Variants in PLCXD1 observed in about 807,000 individuals in gnomAD.
PLCXD1 encodes the protein phosphatidylinositol specific phospholipase C X domain containing 1, also known as PI-PLC X domain-containing protein 1.
In PLCXD1, 45 loss-of-function variants were observed where a neutral mutation model predicts 37.8. The ratio of observed to expected loss-of-function variants is 1.19; its 90% CI spans 0.94 to 1.53. The LOEUF (loss-of-function observed/expected upper bound fraction) is 1.53, where lower values mean the gene tolerates loss of function less well. Among genes scored for constraint, PLCXD1 ranks in the 40% most tolerant of loss-of-function variants. PLCXD1 has a pLI of 0.00. For synonymous variants in PLCXD1, 246 were observed against 206.9 expected (o/e 1.19, Z -1.62); for missense variants, 539 against 454.7 (o/e 1.19, Z -1.69).
At chrX:289,635 C>T (rs2069565886) in intron 3 of PLCXD1, among the ~76,000 whole-genome samples, 1 of 151,568 alleles carries the variant, frequency 6.6e-6, no homozygotes, top group Admixed American at 6.6e-5. Flanking sequence ...TCTCAGCCTC[C>T]TGAGTAGCTG....
intron 2 of PLCXD1, among the ~76,000 whole-genome samples, chrX:287,340 ATG>A (rs2069478947): frequency 1.4e-5 from 2 of 141,864 alleles, no homozygotes; most frequent in Non-Finnish European, 3.1e-5. Context: ...TAAACATAAT[ATG>A]TGGATATATA....
At chrX:285,908 G>A (rs1350690780) in intron 2 of PLCXD1, among the ~76,000 whole-genome samples, 2 of 152,112 alleles carry the variant, frequency 1.3e-5, no homozygotes, top group African/African-American at 2.4e-5. Flanking sequence ...ACGTCGAGAC[G>A]GGAGCTTCTA....
chrX:290,300 G>A (rs1451719186), intron 3 of PLCXD1, among the ~76,000 whole-genome samples: 5 of 152,084 alleles, frequency 3.3e-5, no homozygotes, highest in African/African-American at 4.8e-5. Flanking sequence ...CGCGGTGGCG[G>A]GCGCCTGCAG....
rs1316293608 is a variant in PLCXD1 at position 300,062 on chromosome X, A to AC, written c.*727_*728insC. 1 of 152,584 alleles carries AC rather than the reference A, an allele frequency of 6.6e-6. No individual in the cohort carries two copies. The highest frequency in any genetic ancestry group is 1.5e-5 in the Non-Finnish European group (1 of 68,666). The allele number at this position is 152,584 out of a possible 1,614,324, so 9.5% of individuals were successfully genotyped here. ...AGCGAGACTCCATCTCAAAAAAAAA[A>AC]AAAAAAAAAAAGATGGGGTCTCTCT... On this transcript the variant is annotated 3_prime_UTR_variant, in exon 7 of 7. Transcript: ENST00000381657.
At chrX:296,811 T>C (rs1185519493) in intron 6 of PLCXD1, among the ~76,000 whole-genome samples, 103 of 152,058 alleles carry the variant, frequency 6.8e-4, no homozygotes, top group Non-Finnish European at 1.2e-3. Context: ...CGTGGACATC[T>C]TTGGGGCCAT....
At chrX:290,539 G>T in intron 3 of PLCXD1, 109 bp from the exon 4 acceptor site, 5 of 1,176,424 alleles carry the variant, frequency 4.3e-6, no homozygotes, top group Admixed American at 2.0e-5. Flanking sequence ...CGACATCCAC[G>T]TCCCAGTGGG....
At chrX:277,235 C>G (rs71213733), upstream of PLCXD1, among the ~76,000 whole-genome samples, 14,499 of 117,478 alleles carry the variant, frequency 0.12, 1,021 homozygotes, top group East Asian at 0.27. Flanking sequence ...GGTCAGGGGA[C>G]TTGGGATGTG....
intron 2 of PLCXD1, among the ~76,000 whole-genome samples, chrX:284,566 A>G: frequency 6.8e-6 from 1 of 146,888 alleles, no homozygotes; most frequent in East Asian, 2.1e-4. Context: ...ACATGTGCAC[A>G]CATACACAGG....
chrX:284,307 C>T lies in PLCXD1; in HGVS notation c.120C>T (p.Ser40=). 1.2e-6 allele frequency: 2 copies of T among 1,613,204 alleles called. No individual in the cohort carries two copies. The highest frequency in any genetic ancestry group is 8.5e-7 in the Non-Finnish European group (1 of 1,179,850). ...RLWDVPLHHL[S]IPGSHDTMTY... is the part of the protein sequence containing the mutation. Reference sequence around the variant, plus strand: ...GGGATGTGCCCCTCCACCACCTCTCCATCCCAGGTGAGGTTGGGGTGGGGC... The same window carrying T: ...GGGATGTGCCCCTCCACCACCTCTCTATCCCAGGTGAGGTTGGGGTGGGGC... Residue 40 remains serine, a synonymous_variant, in exon 2 of 7, where the codon TCC becomes TCT. Transcript: ENST00000381657.
chrX:278,097 CAGG>C (rs1423656454), upstream of PLCXD1, among the ~76,000 whole-genome samples: 16 of 104,176 alleles, frequency 1.5e-4, no homozygotes, highest in South Asian at 3.1e-4. Flanking sequence ...AGGGAGGGCT[CAGG>C]AGGACATGGG....
intron 2 of PLCXD1, among the ~76,000 whole-genome samples, chrX:288,458 C>T (rs962351289): frequency 2.6e-4 from 40 of 151,996 alleles, no homozygotes; most frequent in Non-Finnish European, 3.5e-4. Flanking sequence ...GTGTCTTAGA[C>T]GGACACCTGT....
chrX:296,308 A>G (rs1225846031), intron 6 of PLCXD1, among the ~76,000 whole-genome samples: 1 of 151,970 alleles, frequency 6.6e-6, no homozygotes, highest in Non-Finnish European at 1.5e-5. Flanking sequence ...TGTTTTTACT[A>G]GAGAAAGGGT....
At chrX:289,881 C>T (rs771586791) in intron 3 of PLCXD1, among the ~76,000 whole-genome samples, 59 of 152,176 alleles carry the variant, frequency 3.9e-4, no homozygotes, top group African/African-American at 1.3e-3. Context: ...GGACCTGAGG[C>T]GGGTCTGCAG....
chrX:295,851 G>T (rs1787409265), intron 6 of PLCXD1, among the ~76,000 whole-genome samples: 2 of 149,780 alleles, frequency 1.3e-5, no homozygotes, highest in African/African-American at 4.9e-5. Flanking sequence ...TTGTGTGTTT[G>T]TTTTTTGAGA....
chrX:293,169 C>G lies in PLCXD1; in HGVS notation c.684C>G (p.Thr228=), dbSNP rs150920187. The G allele has an allele frequency of 3.4e-4, 551 of 1,612,760 alleles. No homozygotes were observed. The African/African-American group carries it at 6.0e-3, about 17-fold the overall frequency. ...ACTGGTGGGGAAACAGGGTGAAGAC[C>G]GAGGCCCTCATCCGATACCTGGAGA... ...VPYWWGNRVK[T]EALIRYLETM... Residue 228 remains threonine, a synonymous_variant, in exon 6 of 7, where the codon ACC becomes ACG. Coordinates refer to ENST00000381657, the MANE Select transcript of PLCXD1 (RefSeq NM_018390.4).
At chrX:282,825 T>TTA (rs1040964091) in intron 1 of PLCXD1, among the ~76,000 whole-genome samples, 8 of 147,392 alleles carry the variant, frequency 5.4e-5, no homozygotes, top group South Asian at 2.1e-4. Context: ...CAACAGTATA[T>TTA]TATATATATA....
At chrX:280,240 C>T (rs2069234294), upstream of PLCXD1, among the ~76,000 whole-genome samples, 1 of 151,886 alleles carries the variant, frequency 6.6e-6, no homozygotes, top group Admixed American at 6.6e-5. Flanking sequence ...TGCTGGGATG[C>T]TCCAGGCAGA....
At chrX:282,246 G>A (rs2069295278) in intron 1 of PLCXD1, among the ~76,000 whole-genome samples, 1 of 152,130 alleles carries the variant, frequency 6.6e-6, no homozygotes, top group African/African-American at 2.4e-5. Context: ...GCCGGGCGTG[G>A]TGGCGGACGC....
Position 284,222 on chromosome X carries a change from C to T in PLCXD1, c.35C>T (p.Ser12Leu), listed in dbSNP as rs778088144. Residue 12 changes from serine to leucine, a missense_variant, in exon 2 of 7, where the codon TCG (serine) becomes TTG (leucine). Transcript: ENST00000381657. ...GGQVSASNSFSRLHCRNANED... is the reference protein window; with the variant it reads ...GGQVSASNSFLRLHCRNANED... ...CAGGTGAGCGCTTCCAACAGCTTCT[C>T]GAGGCTGCACTGCAGAAATGCCAAC... The T allele has an allele frequency of 2.8e-5, 45 of 1,613,510 alleles. No homozygotes were observed. Among genetic ancestry groups the T allele is most frequent in the Non-Finnish European group, 3.6e-5 (43 of 1,179,766 alleles).
Sources: gnomAD v4.1 joint callset for allele counts (sites outside exome capture counted in the v4.1 genomes callset) on GRCh38, gnomAD v4.1.1 for gene constraint, MANE v1.5 for transcripts, NCBI Gene and HGNC (gene_info 2026-07-23, HGNC 2026-07-21) for gene names.